Variants in MUC4 observed in about 807,000 individuals in gnomAD.
MUC4 encodes mucin-4.
Under a neutral mutation model 257.9 loss-of-function variants are expected in MUC4, and 202 were observed. The observed-to-expected ratio is 0.78, with a 90% confidence interval of 0.70 to 0.88. MUC4 has a LOEUF of 0.88. Among genes scored for constraint, MUC4 ranks in the 40% least tolerant of loss-of-function variants. The pLI, the probability that MUC4 is intolerant of heterozygous loss-of-function variation, is 0.00. For synonymous variants in MUC4, 2,351 were observed against 2,757.1 expected (o/e 0.85, Z 4.62); for missense variants, 5,976 against 6,513.7 (o/e 0.92, Z 2.84).
At chr3:195,775,858 G>A (rs796792728) in intron 3 of MUC4, among the ~76,000 whole-genome samples, 1,246 of 51,696 alleles carry the variant, frequency 0.024, 5 homozygotes, top group Middle Eastern at 0.051. Context: ...TACCTTCCAC[G>A]GCCATACCTT....
In MUC4 at chr3:195,765,134, C is replaced by T; in HGVS notation, c.13799-12G>A. 1 of 1,609,934 alleles carries T rather than the reference C, an allele frequency of 6.2e-7. No individual in the cohort carries two copies. The highest frequency in any genetic ancestry group is 8.5e-7 in the Non-Finnish European group (1 of 1,177,558). The stretch of plus-strand genomic sequence containing the variant: ...GAGGCCCCAGCGACCTGAAACAAGT[C>T]CAGTCCCACTCAGGCCCAGGCTGGG... On this transcript the variant is annotated splice_polypyrimidine_tract_variant and intron_variant, in intron 9 of 24. Transcript: ENST00000463781.
chr3:195,785,441 T>C lies in MUC4; in HGVS notation c.6139A>G (p.Thr2047Ala), dbSNP rs1469371888. 1.0e-4 allele frequency: 151 copies of C among 1,512,004 alleles called. 21 individuals are homozygous for C. Among genetic ancestry groups the C allele is most frequent in the Non-Finnish European group, 1.2e-4 (131 of 1,121,158 alleles). The allele number at this position is 1,512,004 out of a possible 1,614,324, so 93.7% of individuals were successfully genotyped here. ...GAAAGGCTGGTGACAGGAAGAGGGG[T>C]GTCCTGACCTGTGGATGCTGAGGAA... ...DTSSASTGQD[T>A]PLPVTSLSSV... The change falls in exon 2 of 25, where the codon ACC (threonine) becomes GCC (alanine). Residue 2047 changes from threonine to alanine, a missense_variant. Thr to Ala is a moderately conservative substitution (Grantham distance 58). Coordinates refer to ENST00000463781, the MANE Select transcript of MUC4 (RefSeq NM_018406.7).
intron 1 of MUC4, among the ~76,000 whole-genome samples, chr3:195,807,870 G>A (rs911869383): frequency 2.0e-5 from 3 of 152,244 alleles, no homozygotes; most frequent in African/African-American, 7.2e-5. Context: ...TCACTTGCGT[G>A]TCAAGCACTG....
In MUC4 at chr3:195,778,790, C is replaced by T; in HGVS notation, c.12790G>A (p.Gly4264Arg). The part of the protein sequence containing the change: ...SDSPLKMETP[G>R]MTTPSLKTDG... ...TAAAGGCGAGGCAGTTGGCAGCTAC[C>T]TGGTGTTTCCATCTTCAGAGGGGAG... Residue 4264 changes from glycine (G) to arginine (R), a missense_variant and splice_region_variant, in exon 2 of 25, where the codon GGA becomes AGA. Gly to Arg is a moderately radical substitution (Grantham distance 125). Transcript: ENST00000463781. The T allele has an allele frequency of 8.1e-6, 13 of 1,608,372 alleles. No individual in the cohort carries two copies. Among genetic ancestry groups the T allele is most frequent in the Non-Finnish European group, 1.1e-5 (13 of 1,177,196 alleles).
At chr3:195,767,474 T>TCACCATCACCACCACCAC (rs1560260489) in intron 7 of MUC4, among the ~76,000 whole-genome samples, 1 of 49,678 alleles carries the variant, frequency 2.0e-5, no homozygotes, top group African/African-American at 6.2e-5. Flanking sequence ...ACCACCACCA[T>TCACCATCACCACCACCAC]CACCATCACC....
intron 1 of MUC4, 53 bp from the exon 2 acceptor site, chr3:195,791,550 A>C (rs1252140985): frequency 8.8e-7 from 1 of 1,136,588 alleles, no homozygotes; most frequent in Non-Finnish European, 1.3e-6. Context: ...ATGAACTCCT[A>C]TTCACAATTG....
chr3:195,762,121 C>T lies in MUC4; in HGVS notation c.14478G>A (p.Pro4826=), dbSNP rs768265648. Residue 4826 remains proline (P), a synonymous_variant, in exon 14 of 25, where the codon CCG becomes CCA. Transcript: ENST00000463781. Reference sequence around the variant, plus strand: ...CCTCCGTGCGGTTCTGGTACTCGGGCGGGAGGCTGGCGGAGGCGTGGAGGA... The same window carrying T: ...CCTCCGTGCGGTTCTGGTACTCGGGTGGGAGGCTGGCGGAGGCGTGGAGGA... ...SNILHASASL[P]PEYQNRTEGL... 1.2e-6 allele frequency: 2 copies of T among 1,607,180 alleles called. No individual in the cohort carries two copies. Among genetic ancestry groups the T allele is most frequent in the East Asian group, 4.5e-5 (2 of 44,768 alleles).
chr3:195,758,637 A>AGTGCAGTGCAGATCTCAGAT (rs1718153466), intron 17 of MUC4, among the ~76,000 whole-genome samples: 1 of 144,246 alleles, frequency 6.9e-6, no homozygotes, highest in Non-Finnish European at 1.5e-5. Context: ...ATCTCAGCTC[A>AGTGCAGTGCAGATCTCAGAT]CTGCAACATC....
chr3:195,757,063 G>A lies in MUC4; in HGVS notation c.15168+84C>T. The A allele has an allele frequency of 1.4e-6, 2 of 1,411,634 alleles. No homozygotes were observed. The highest frequency in any genetic ancestry group is 2.0e-6 in the Non-Finnish European group (2 of 1,021,906). The allele number at this position is 1,411,634 out of a possible 1,614,324, so 87.4% of individuals were successfully genotyped here. ...CATCTCCCAACACAGACACACCCAG[G>A]ACAGGCAGAATCACAGCATCCATTC... On this transcript the variant is annotated intron_variant, in intron 18 of 24. Transcript: ENST00000463781. This position sits in a 1 kb window ranked among gnomAD's most constrained non-coding sequence, Gnocchi z 4.8.
chr3:195,798,731 T>C (rs1734902755), intron 1 of MUC4, among the ~76,000 whole-genome samples: 2 of 152,128 alleles, frequency 1.3e-5, no homozygotes, highest in African/African-American at 2.4e-5. Flanking sequence ...TTAAAAAATA[T>C]ATATGTATAG....
chr3:195,779,255 C>A lies in MUC4; in HGVS notation c.12325G>T (p.Asp4109Tyr), dbSNP rs878963980. ...LTSLSSVSTG[D>Y]TTPLPVTDTS... ...TCGGTGACAGGAAGAGGCGTGGTGT[C>A]ACCTGTGGATACTGAGGAAAGGCTG... Residue 4109 changes from aspartate to tyrosine, a missense_variant, in exon 2 of 25, where the codon GAC (aspartate) becomes TAC (tyrosine). Coordinates refer to ENST00000463781, the MANE Select transcript of MUC4 (RefSeq NM_018406.7). 7.6e-7 allele frequency: 1 copy of A among 1,311,350 alleles called. No individual in the cohort carries two copies. The highest frequency in any genetic ancestry group is 1.0e-6 in the Non-Finnish European group (1 of 991,156). 81.2% of individuals were successfully genotyped at this position (1,311,350 alleles called of 1,614,324 possible).
chr3:195,786,174 G>C lies in MUC4; in HGVS notation c.5406C>G (p.Ser1802=). Residue 1802 remains serine (S), a synonymous_variant, in exon 2 of 25, where the codon TCC becomes TCG. Transcript: ENST00000463781. ...CAGGAAGAGGGATGGCCTGACCTGT[G>C]GATGCCGAGGAAACGTCGGTGACAG... ...RLPVTDVSSA[S]TGQAIPLPVT... 20 of 1,525,464 alleles carry C rather than the reference G, an allele frequency of 1.3e-5. No individual in the cohort carries two copies. Among genetic ancestry groups the C allele is most frequent in the Middle Eastern group, 2.1e-4 (1 of 4,696 alleles). 94.5% of individuals were successfully genotyped at this position (1,525,464 alleles called of 1,614,324 possible).
In MUC4 at chr3:195,781,686, A is replaced by T; in HGVS notation, c.9894T>A (p.Leu3298=). ...SSSTGDTTPL[L]VTETSSVSTG... is the part of the protein sequence containing the mutation. ...TGGATACTGAGGAAGTCTCGGTGAC[A>T]AGAAGAGGGGTGGTGTCACCTGTGG... The change falls in exon 2 of 25, where the codon CTT becomes CTA. Residue 3298 remains leucine (L), a synonymous_variant. Transcript: ENST00000463781. 7.4e-7 allele frequency: 1 copy of T among 1,349,706 alleles called. No individual in the cohort carries two copies. The highest frequency in any genetic ancestry group is 1.3e-5 in the South Asian group (1 of 77,390). 83.6% of individuals were successfully genotyped at this position (1,349,706 alleles called of 1,614,324 possible).
chr3:195,802,352 C>T (rs1033749394), intron 1 of MUC4, among the ~76,000 whole-genome samples: 5 of 96,402 alleles, frequency 5.2e-5, no homozygotes, highest in South Asian at 3.4e-4. Flanking sequence ...ACTGCGGCAG[C>T]CTCCTCACTG....
chr3:195,781,127 G>A lies in MUC4; in HGVS notation c.10453C>T (p.His3485Tyr). The change falls in exon 2 of 25, where the codon CAC becomes TAC. Residue 3485 changes from histidine to tyrosine, a missense_variant. Physicochemically the swap from His to Tyr is moderately conservative, Grantham distance 83 (BLOSUM62 2). Coordinates refer to ENST00000463781, the MANE Select transcript of MUC4 (RefSeq NM_018406.7). The part of the protein sequence containing the change: ...VTSPSSASTG[H>Y]TTPLHVTIPS... ...ATGGTGACATGAAGAGGGGTGGTGT[G>A]ACCTGTAGATGCTGAGGAAGGGCTG... 6.8e-7 allele frequency: 1 copy of A among 1,463,876 alleles called. No homozygotes were observed. 90.7% of individuals were successfully genotyped at this position (1,463,876 alleles called of 1,614,324 possible). A position where few individuals can be genotyped will look rare whatever the true frequency, so the allele number is the denominator to read the frequency against.
At chr3:195,751,360 G>T in intron 21 of MUC4, 89 bp from the exon 22 acceptor site, 1 of 1,018,928 alleles carries the variant, frequency 9.8e-7, no homozygotes, top group South Asian at 1.4e-5. Flanking sequence ...ATTCATCCCT[G>T]TTTCCTCCTG....
chr3:195,757,352 T>C lies in MUC4; in HGVS notation c.14987-24A>G. ...CTCTGCCCCGGGGAAGATGAGAATG[T>C]TGAGAGCTGGGAGACTCCTCGGCTC... On this transcript the variant is annotated intron_variant, in intron 17 of 24. Transcript: ENST00000463781. This position sits in a 1 kb window ranked among gnomAD's most constrained non-coding sequence, Gnocchi z 4.8. 1 of 1,577,020 alleles carries C rather than the reference T, an allele frequency of 6.3e-7. No homozygotes were observed. The highest frequency in any genetic ancestry group is 1.1e-5 in the South Asian group (1 of 87,748).
Position 195,770,230 on chromosome 3 carries a change from G to A in MUC4, c.13384C>T (p.Gln4462Ter), listed in dbSNP as rs758635559. Residue 4462 changes from glutamine to a stop codon, truncating the protein, a stop_gained, in exon 6 of 25, where the codon CAG (glutamine) becomes TAG (stop). Coordinates refer to ENST00000463781, the MANE Select transcript of MUC4 (RefSeq NM_018406.7). LOFTEE classifies it high-confidence loss of function. ...TWVNAHAYPAQWTLGSNTYQA... is the reference protein window; with the variant it reads ...TWVNAHAYPA ...GGTCTACTCACCCCGAGGGTCCACT[G>A]GGCAGGATAGGCGTGGGCATTGACC... 2 of 1,611,012 alleles carry A rather than the reference G, an allele frequency of 1.2e-6. No individual in the cohort carries two copies. The highest frequency in any genetic ancestry group is 1.7e-6 in the Non-Finnish European group (2 of 1,178,812).
In MUC4 at chr3:195,764,159, C is replaced by T; in HGVS notation, c.13930G>A (p.Glu4644Lys). 6.4e-7 allele frequency: 1 copy of T among 1,566,758 alleles called. No homozygotes were observed. The change falls in exon 11 of 25, where the codon GAA becomes AAA. Residue 4644 changes from glutamate to lysine, a missense_variant. By Grantham distance (56) the Glu-to-Lys change is moderately conservative. Transcript: ENST00000463781. ...HVQRPWQLAQ[E>K]LEPQSWCCRW... is the part of the protein sequence containing the mutation. Reference sequence around the variant, plus strand: ...CAGCACCAGCTCTGTGGCTCCAGTTCCTGGGCTGCGGAGAACAGCAGTGAG... The same window carrying T: ...CAGCACCAGCTCTGTGGCTCCAGTTTCTGGGCTGCGGAGAACAGCAGTGAG...
Sources: allele counts gnomAD v4.1 joint callset (sites outside exome capture counted in the v4.1 genomes callset), GRCh38; gene constraint gnomAD v4.1.1; non-coding constraint Gnocchi (gnomAD v3.1); transcripts MANE v1.5; gene names NCBI Gene and HGNC (gene_info 2026-07-23, HGNC 2026-07-21).